Variants in SPP2 observed in about 807,000 individuals in gnomAD.
SPP2 encodes the protein secreted phosphoprotein 24.
A neutral mutation model predicts 28.8 loss-of-function variants in SPP2; 34 were observed. The observed-to-expected ratio is 1.18, with a 90% confidence interval of 0.90 to 1.57. SPP2 has a LOEUF of 1.57. SPP2 is among the 40% of genes most tolerant of loss of function. The probability of loss-of-function intolerance (pLI) is 0.00; values close to 1 mark genes in which losing one functional copy is unlikely to be tolerated. For missense variants in SPP2, 269 were observed against 263.9 expected, an observed-to-expected ratio of 1.02 and a Z score of -0.13; for synonymous variants, 96 against 89.4, an observed-to-expected ratio of 1.07 and a Z score of -0.42.
At chr2:234,068,831 T>G (rs548969694) in intron 6 of SPP2, among the ~76,000 whole-genome samples, 13 of 152,272 alleles carry the variant, frequency 8.5e-5, no homozygotes, top group African/African-American at 3.1e-4. Flanking sequence ...TTGGGTGTGT[T>G]GGTTATCTAT....
intron 6 of SPP2, among the ~76,000 whole-genome samples, chr2:234,067,776 T>C (rs1214792739): frequency 1.5e-4 from 3 of 19,880 alleles, no homozygotes. Flanking sequence ...AGACTCCGTC[T>C]CAAAAAAAAA....
intron 2 of SPP2, among the ~76,000 whole-genome samples, chr2:234,052,781 C>T (rs1693524294): frequency 6.6e-6 from 1 of 152,182 alleles, no homozygotes; most frequent in South Asian, 2.1e-4. Flanking sequence ...ACCGTGCCCT[C>T]TTGTTGAGAA....
Position 234,050,752 on chromosome 2 carries a change from C to T in SPP2, c.-35C>T. The T allele has an allele frequency of 6.3e-7, 1 of 1,585,254 alleles. No homozygotes were observed. Among genetic ancestry groups the T allele is most frequent in the Non-Finnish European group, 8.7e-7 (1 of 1,154,112 alleles). ...TAGGAAGAACTGTCATCCCCAAACACATAGAGAGACACTCTCTGTCTCTCG... is the reference window on the plus strand; with the variant it reads ...TAGGAAGAACTGTCATCCCCAAACATATAGAGAGACACTCTCTGTCTCTCG... On this transcript the variant is annotated 5_prime_UTR_variant, in exon 1 of 8. Transcript: ENST00000168148.
At chr2:234,065,267 T>G (rs1184201016) in intron 4 of SPP2, among the ~76,000 whole-genome samples, 1 of 152,028 alleles carries the variant, frequency 6.6e-6, no homozygotes, top group South Asian at 2.1e-4. Flanking sequence ...GAGTGTGACG[T>G]GGTATCTCAT....
rs750497059 is a variant in SPP2, at chr2:234,067,288, T to C, written c.550+14T>C. The C allele has an allele frequency of 6.2e-6, 10 of 1,613,740 alleles. No homozygotes were observed. The Admixed American group carries it at 1.0e-4, about 16-fold the overall frequency. The stretch of plus-strand genomic sequence containing the variant: ...ATCGGTCACTTGGTAAGTGATTTCT[T>C]TCCTGCTGTGCCACCAGACCCTTTT... On this transcript the variant is annotated intron_variant, in intron 6 of 7. Transcript: ENST00000168148.
intron 2 of SPP2, among the ~76,000 whole-genome samples, chr2:234,052,410 G>T (rs1433608126): frequency 6.6e-6 from 1 of 152,156 alleles, no homozygotes; most frequent in African/African-American, 2.4e-5. Context: ...TTTAGCTATT[G>T]CTCACCACAG....
intron 5 of SPP2, 125 bp downstream of exon 5, chr2:234,066,712 A>G: frequency 4.1e-6 from 3 of 739,032 alleles, no homozygotes; most frequent in Non-Finnish European, 6.7e-6. Context: ...TTACAGCCAT[A>G]GAAAATTAAC....
chr2:234,074,162 C>T (rs1269101835), intron 7 of SPP2, among the ~76,000 whole-genome samples: 1 of 152,080 alleles, frequency 6.6e-6, no homozygotes, highest in Non-Finnish European at 1.5e-5. Flanking sequence ...TTCCCTTTTC[C>T]TCCCTGTTTT....
chr2:234,059,492 A>G (rs1368029911), intron 3 of SPP2, among the ~76,000 whole-genome samples: 2 of 152,140 alleles, frequency 1.3e-5, no homozygotes, highest in African/African-American at 4.8e-5. Flanking sequence ...AGGCCAAGGG[A>G]GCTGAGAGGC....
Position 234,050,838 on chromosome 2 carries a change from T to G in SPP2, c.52T>G (p.Phe18Val). ...MTMMMKILIM[F>V]ALGMNYWSCS... is the part of the protein sequence containing the mutation. ...GATGATGATGAAGATATTGATTATG[T>G]TTGCTCTTGGAATGAACTACTGGTC... The change falls in exon 1 of 8, where the codon TTT becomes GTT. Residue 18 changes from phenylalanine (F) to valine (V), a missense_variant. By Grantham distance (50) the Phe-to-Val change is conservative (BLOSUM62 -1). Coordinates refer to ENST00000168148, the MANE Select transcript of SPP2 (RefSeq NM_006944.3). 1 of 1,614,076 alleles carries G rather than the reference T, an allele frequency of 6.2e-7. No individual in the cohort carries two copies. Among genetic ancestry groups the G allele is most frequent in the South Asian group, 1.1e-5 (1 of 91,076 alleles).
chr2:234,065,762 C>CAAAA (rs1314296358), intron 4 of SPP2, among the ~76,000 whole-genome samples: 23 of 152,066 alleles, frequency 1.5e-4, no homozygotes, highest in Admixed American at 3.9e-4. Context: ...TGATGGTGCC[C>CAAAA]TTTGAAGAGC....
intron 7 of SPP2, among the ~76,000 whole-genome samples, chr2:234,071,582 G>A (rs1198635264): frequency 6.6e-6 from 1 of 152,206 alleles, no homozygotes; most frequent in Non-Finnish European, 1.5e-5. Flanking sequence ...TATTTTACAT[G>A]CGCACATGTG....
intron 4 of SPP2, among the ~76,000 whole-genome samples, chr2:234,065,531 T>G (rs1343163347): frequency 6.6e-6 from 1 of 152,170 alleles, no homozygotes; most frequent in Non-Finnish European, 1.5e-5. Flanking sequence ...CTGCCTGCCT[T>G]GCCTCCCAAA....
intron 3 of SPP2, among the ~76,000 whole-genome samples, chr2:234,059,433 T>G (rs1360519848): frequency 6.6e-6 from 1 of 152,108 alleles, no homozygotes; most frequent in Non-Finnish European, 1.5e-5. Flanking sequence ...GACCAGAACA[T>G]GTACAGCACT....
rs530726162 is a variant in SPP2 at position 234,056,825 on chromosome 2, C to A, written c.211-2011C>A. ...TATTTCTACTTGTTTTCAGAAAATT[C>A]TACTTTTATCAGCACTCATTATGTG... On this transcript the variant is annotated intron_variant, in intron 2 of 7. Coordinates refer to ENST00000168148, the MANE Select transcript of SPP2 (RefSeq NM_006944.3). Among the ~76,000 whole-genome samples, 58 of 152,090 alleles carry A rather than the reference C, an allele frequency of 3.8e-4. 1 individual carries two copies. In the South Asian group the frequency reaches 0.011, roughly 28 times the overall value.
intron 7 of SPP2, among the ~76,000 whole-genome samples, chr2:234,070,328 C>T (rs1164696808): frequency 1.3e-5 from 2 of 152,248 alleles, no homozygotes; most frequent in Admixed American, 1.3e-4. Context: ...AAGCAACTGC[C>T]TTCCCTCCGT....
chr2:234,072,057 A>G (rs1031821498), intron 7 of SPP2, among the ~76,000 whole-genome samples: 2 of 152,260 alleles, frequency 1.3e-5, no homozygotes, highest in African/African-American at 4.8e-5. Flanking sequence ...CACACAGCCC[A>G]GCACACTCAA....
At chr2:234,076,426 G>T (rs1690894933) in intron 7 of SPP2, among the ~76,000 whole-genome samples, 1 of 152,104 alleles carries the variant, frequency 6.6e-6, no homozygotes, top group South Asian at 2.1e-4. Context: ...CTCTGGAATT[G>T]GCATTTATCA....
At chr2:234,057,806 T>C (rs1693638025) in intron 2 of SPP2, among the ~76,000 whole-genome samples, 1 of 152,250 alleles carries the variant, frequency 6.6e-6, no homozygotes, top group Admixed American at 6.5e-5. Context: ...GGCTGGAGAA[T>C]AGTCTGTACT....
Sources: allele counts gnomAD v4.1 joint callset (sites outside exome capture counted in the v4.1 genomes callset), GRCh38; gene constraint gnomAD v4.1.1; transcripts MANE v1.5; gene names NCBI Gene and HGNC (gene_info 2026-07-23, HGNC 2026-07-21).